PELI2: variants seen among roughly 807,000 people sequenced by gnomAD.
The protein encoded by PELI2 is E3 ubiquitin-protein ligase pellino homolog 2.
In PELI2, 23 loss-of-function variants were observed where a neutral mutation model predicts 42.3. That is an observed-to-expected ratio of 0.54 (90% CI 0.39 to 0.77). PELI2 has a LOEUF of 0.77. Ranked by LOEUF, PELI2 falls within the 30% of genes least tolerant of loss-of-function variation. PELI2 has a pLI of 0.00. For missense variants in PELI2, 463 were observed against 553.2 expected, an observed-to-expected ratio of 0.84 and a Z score of 1.64; for synonymous variants, 245 against 212.2, an observed-to-expected ratio of 1.15 and a Z score of -1.34.
chr14:56,280,270 TA>T (rs1889434063), intron 3 of PELI2, among the ~76,000 whole-genome samples: 1 of 152,086 alleles, frequency 6.6e-6, no homozygotes, highest in South Asian at 2.1e-4. Context: ...ACTAAACATT[TA>T]TCTCAAAAGT....
chr14:56,266,796 G>T (rs1369364201), intron 2 of PELI2, among the ~76,000 whole-genome samples: 2 of 151,990 alleles, frequency 1.3e-5, no homozygotes, highest in Non-Finnish European at 1.5e-5. Context: ...CTGCATATTT[G>T]TTGCAGTACT....
intron 1 of PELI2, among the ~76,000 whole-genome samples, chr14:56,167,873 G>T (rs758437631): frequency 3.3e-5 from 5 of 152,186 alleles, no homozygotes; most frequent in Non-Finnish European, 7.3e-5. Context: ...AGCTATATCG[G>T]CTTTAGGGGG....
intron 2 of PELI2, among the ~76,000 whole-genome samples, chr14:56,198,627 G>C (rs780204160): frequency 1.3e-5 from 2 of 152,198 alleles, no homozygotes; most frequent in Non-Finnish European, 2.9e-5. Flanking sequence ...CAGGAGATGA[G>C]CAAGTGCAGA....
rs539658424 is a variant in PELI2, at chr14:56,190,068, C to T, written c.207+11604C>T. ...TGAACAAAGAGTTGTGTATTTTTTT[C>T]GAATTAGAGTTGGACCTCTAAATTG... On this transcript the variant is annotated intron_variant, in intron 2 of 5. Coordinates refer to ENST00000267460, the MANE Select transcript of PELI2 (RefSeq NM_021255.3). Among the ~76,000 whole-genome samples, 424 of 152,036 alleles carry T rather than the reference C, an allele frequency of 2.8e-3. 1 individual carries two copies. The highest frequency in any genetic ancestry group is 9.2e-3 in the African/African-American group (382 of 41,484).
At chr14:56,127,147 T>C (rs943960880) in intron 1 of PELI2, among the ~76,000 whole-genome samples, 8 of 152,208 alleles carry the variant, frequency 5.3e-5, no homozygotes, top group African/African-American at 1.9e-4. Context: ...TAATCTCCAA[T>C]ATTATCTGAA....
intron 3 of PELI2, among the ~76,000 whole-genome samples, chr14:56,281,184 A>G (rs1292927431): frequency 1.3e-5 from 2 of 152,132 alleles, no homozygotes; most frequent in Non-Finnish European, 2.9e-5. Flanking sequence ...TACGTAAATA[A>G]TTAAGGAATA....
chr14:56,256,723 G>A (rs1346095526), intron 2 of PELI2, among the ~76,000 whole-genome samples: 1 of 152,152 alleles, frequency 6.6e-6, no homozygotes, highest in Non-Finnish European at 1.5e-5. Flanking sequence ...TTAACCTAGT[G>A]TAGATCCTCT....
At chr14:56,296,194 G>C (rs892412423) in intron 5 of PELI2, among the ~76,000 whole-genome samples, 1 of 152,218 alleles carries the variant, frequency 6.6e-6, no homozygotes, top group Non-Finnish European at 1.5e-5. Context: ...TGGATTGGCT[G>C]TCATCAAGAT....
At chr14:56,170,761 T>C (rs1885137018) in intron 1 of PELI2, among the ~76,000 whole-genome samples, 1 of 152,242 alleles carries the variant, frequency 6.6e-6, no homozygotes, top group African/African-American at 2.4e-5. Flanking sequence ...GTTAAGTTTC[T>C]TACACAGCAT....
At position 56,180,691 on chromosome 14, in the gene PELI2, G is replaced by C. The variant is rs1271381149; in HGVS notation, c.207+2227G>C. On this transcript the variant is annotated intron_variant, in intron 2 of 5. Transcript: ENST00000267460. The surrounding 1 kb of genome is among the most constrained non-coding windows in gnomAD (Gnocchi z 4.4). Reference sequence around the variant, plus strand: ...CTGTACCCGGCCACTCCTGCTGCTTGGTTTGCTCTGTTGGCACCTTCTACC... The same window carrying C: ...CTGTACCCGGCCACTCCTGCTGCTTCGTTTGCTCTGTTGGCACCTTCTACC... Among the ~76,000 whole-genome samples, 1 of 151,962 alleles carries C rather than the reference G, an allele frequency of 6.6e-6. No homozygotes were observed. The highest frequency in any genetic ancestry group is 2.4e-5 in the African/African-American group (1 of 41,354).
At chr14:56,226,789 T>G (rs1041153208) in intron 2 of PELI2, among the ~76,000 whole-genome samples, 6 of 152,260 alleles carry the variant, frequency 3.9e-5, no homozygotes, top group African/African-American at 1.4e-4. Flanking sequence ...GGCATAAGTT[T>G]TGAAATTCTG....
rs749082996 is a variant in PELI2, at chr14:56,279,807, T to C, written c.309+30T>C. The C allele has an allele frequency of 2.6e-6, 3 of 1,169,620 alleles. No individual in the cohort carries two copies. The South Asian group carries it at 3.9e-5, about 15-fold the overall frequency. The allele number at this position is 1,169,620 out of a possible 1,614,324, so 72.5% of individuals were successfully genotyped here. A position where few individuals can be genotyped will look rare whatever the true frequency, so the allele number is the denominator to read the frequency against. On this transcript the variant is annotated intron_variant, in intron 3 of 5. Coordinates refer to ENST00000267460, the MANE Select transcript of PELI2 (RefSeq NM_021255.3). ...TATTTTTCTTTTTTAATAGAAATTT[T>C]AGCACGTTTTCCTTTAATTCTCTAT... is the stretch of plus-strand genomic sequence containing the variant.
intron 1 of PELI2, among the ~76,000 whole-genome samples, chr14:56,120,272 G>C (rs1267839010): frequency 6.6e-6 from 1 of 152,172 alleles, no homozygotes; most frequent in African/African-American, 2.4e-5. Context: ...TTGTGTGGCT[G>C]GCTTCAGTGT....
At chr14:56,176,152 T>TG (rs1885374078) in intron 1 of PELI2, among the ~76,000 whole-genome samples, 3 of 152,208 alleles carry the variant, frequency 2.0e-5, no homozygotes, top group Admixed American at 2.0e-4. Flanking sequence ...TCAAACGTGG[T>TG]GCTGGGGTTC....
chr14:56,254,836 C>G (rs1888467782), intron 2 of PELI2, among the ~76,000 whole-genome samples: 1 of 152,184 alleles, frequency 6.6e-6, no homozygotes, highest in East Asian at 1.9e-4. Context: ...AGGATATGAA[C>G]AGACACTTCT....
chr14:56,138,575 G>A (rs1883770863), intron 1 of PELI2, among the ~76,000 whole-genome samples: 1 of 151,714 alleles, frequency 6.6e-6, no homozygotes, highest in African/African-American at 2.4e-5. Flanking sequence ...TTTGACTTTT[G>A]TAACTTCGTA....
intron 1 of PELI2, among the ~76,000 whole-genome samples, chr14:56,164,101 G>T (rs189899549): frequency 3.9e-4 from 59 of 152,168 alleles, no homozygotes; most frequent in African/African-American, 1.4e-3. Context: ...TAATGGTGGC[G>T]ACAGTGGGCA....
At chr14:56,220,382 A>T (rs1887081913) in intron 2 of PELI2, among the ~76,000 whole-genome samples, 1 of 152,226 alleles carries the variant, frequency 6.6e-6, no homozygotes. Context: ...GGAAAATGAT[A>T]GTTTTGAAAC....
At chr14:56,177,583 A>G (rs1885427188) in intron 1 of PELI2, among the ~76,000 whole-genome samples, 1 of 152,238 alleles carries the variant, frequency 6.6e-6, no homozygotes, top group Non-Finnish European at 1.5e-5. Flanking sequence ...GAAAATTGAA[A>G]TGCTAACTGT....
Sources: gnomAD v4.1 joint callset for allele counts (sites outside exome capture counted in the v4.1 genomes callset) on GRCh38, gnomAD v4.1.1 for gene constraint, Gnocchi (gnomAD v3.1) non-coding constraint, MANE v1.5 for transcripts, NCBI Gene and HGNC (gene_info 2026-07-23, HGNC 2026-07-21) for gene names.